ZNF665: variants seen among roughly 807,000 people sequenced by gnomAD.
ZNF665 encodes zinc finger protein 665.
In ZNF665, 6 loss-of-function variants were observed where a neutral mutation model predicts 7.9. The observed-to-expected ratio is 0.76, with a 90% CI of 0.42 to 1.50. The LOEUF (loss-of-function observed/expected upper bound fraction) is 1.50. Among genes scored for constraint, ZNF665 ranks in the 40% most tolerant of loss-of-function variants. The pLI, the probability that ZNF665 is intolerant of heterozygous loss-of-function variation, is 0.01. For synonymous variants in ZNF665, 242 were observed against 274.5 expected, an observed-to-expected ratio of 0.88 and a Z score of 1.17; for missense variants, 819 against 806.7, an observed-to-expected ratio of 1.02 and a Z score of -0.18.
intron 3 of ZNF665, among the ~76,000 whole-genome samples, chr19:53,174,866 G>A (rs1275943412): frequency 6.6e-6 from 1 of 151,112 alleles, no homozygotes; most frequent in African/African-American, 2.4e-5. Flanking sequence ...TTGAACTCAG[G>A]AGGCGGTAGT....
Position 53,164,280 on chromosome 19 carries a change from G to A in ZNF665, c.*173C>T, listed in dbSNP as rs1040776442. The A allele has an allele frequency of 2.8e-5, 15 of 528,352 alleles. No homozygotes were observed. The highest frequency in any genetic ancestry group is 4.6e-5 in the Non-Finnish European group (14 of 305,546). 32.7% of individuals were successfully genotyped at this position (528,352 alleles called of 1,614,324 possible). On this transcript the variant is annotated 3_prime_UTR_variant, in exon 4 of 4. Transcript: ENST00000396424. ...AGCCTCCCGAGTAGCTGGGATTACA[G>A]GCGTGCACCACCACACCCAGCTAAT... is the stretch of plus-strand genomic sequence containing the variant.
At chr19:53,183,165 A>T (rs761965509) in intron 1 of ZNF665, among the ~76,000 whole-genome samples, 1 of 152,158 alleles carries the variant, frequency 6.6e-6, no homozygotes, top group Non-Finnish European at 1.5e-5. Flanking sequence ...CTCTTTCTTT[A>T]GAACCCACTC....
intron 2 of ZNF665, chr19:53,182,475 C>A: frequency 1.9e-6 from 1 of 515,420 alleles, no homozygotes; most frequent in African/African-American, 1.9e-5. Context: ...TCCCCACAGT[C>A]GTCTCATTTT....
chr19:53,165,171 C>T lies in ZNF665; in HGVS notation c.1319G>A (p.Ser440Asn). Residue 440 changes from serine (S) to asparagine (N), a missense_variant, in exon 4 of 4, where the codon AGT (serine) becomes AAT (asparagine). By Grantham distance (46) the Ser-to-Asn change is conservative (BLOSUM62 1). Coordinates refer to ENST00000396424, the MANE Select transcript of ZNF665 (RefSeq NM_024733.5). ...YRCDECGKAF[S>N]VRSSLTTHQA... The stretch of plus-strand genomic sequence containing the variant: ...ATGGGTAGTTAGGCTTGATCGCACA[C>T]TAAAGGCTTTGCCACACTCATCACA... 1 of 1,614,180 alleles carries T rather than the reference C, an allele frequency of 6.2e-7. No individual in the cohort carries two copies. The highest frequency in any genetic ancestry group is 2.2e-5 in the East Asian group (1 of 44,872).
intron 1 of ZNF665, among the ~76,000 whole-genome samples, chr19:53,192,542 T>C (rs989496219): frequency 4.6e-5 from 7 of 152,198 alleles, no homozygotes; most frequent in African/African-American, 1.4e-4. Context: ...ACCCTTACTG[T>C]CTCTTTGTAA....
intron 3 of ZNF665, among the ~76,000 whole-genome samples, chr19:53,174,158 A>G (rs541307429): frequency 6.6e-6 from 1 of 152,290 alleles, no homozygotes; most frequent in African/African-American, 2.4e-5. Context: ...TGGAGTCCTC[A>G]CATCTGTCTC....
In ZNF665 at chr19:53,183,003, G is replaced by A. The variant is rs1256495197; in HGVS notation, c.-45-60C>T. ...CCTGAATGTCAAAAATACGCTGTTTGTTGGTTAGAATCAACACACCCCCTC... is the reference window on the plus strand; with the variant it reads ...CCTGAATGTCAAAAATACGCTGTTTATTGGTTAGAATCAACACACCCCCTC... On this transcript the variant is annotated intron_variant, in intron 1 of 3. Transcript: ENST00000396424. 2.6e-6 allele frequency: 4 copies of A among 1,537,614 alleles called. No homozygotes were observed. The African/African-American group carries it at 4.1e-5, about 16-fold the overall frequency.
At chr19:53,177,669 T>C (rs1367978033) in intron 2 of ZNF665, among the ~76,000 whole-genome samples, 1 of 151,628 alleles carries the variant, frequency 6.6e-6, no homozygotes, top group Non-Finnish European at 1.5e-5. Flanking sequence ...AGAGAATGAG[T>C]GGTGTCTTCA....
intron 3 of ZNF665, among the ~76,000 whole-genome samples, chr19:53,174,899 C>G (rs1246251842): frequency 6.9e-6 from 1 of 145,716 alleles, no homozygotes; most frequent in Non-Finnish European, 1.5e-5. Context: ...GATCCGAGAT[C>G]GTGCCATTGC....
At chr19:53,173,708 G>T (rs1478923778) in intron 3 of ZNF665, among the ~76,000 whole-genome samples, 1 of 152,002 alleles carries the variant, frequency 6.6e-6, no homozygotes, top group African/African-American at 2.4e-5. Context: ...ACTGGTTGAT[G>T]TGTCTATTTT....
At chr19:53,172,763 T>C (rs1599875747) in intron 3 of ZNF665, among the ~76,000 whole-genome samples, 1 of 143,596 alleles carries the variant, frequency 7.0e-6, no homozygotes, top group South Asian at 2.1e-4. Context: ...AGGCGGAGAT[T>C]GCAGTGAGCC....
chr19:53,165,438 C>T lies in ZNF665; in HGVS notation c.1052G>A (p.Cys351Tyr). Residue 351 changes from cysteine (C) to tyrosine (Y), a missense_variant, in exon 4 of 4, where the codon TGT (cysteine) becomes TAT (tyrosine). By Grantham distance (194) the Cys-to-Tyr change is radical. Coordinates refer to ENST00000396424, the MANE Select transcript of ZNF665 (RefSeq NM_024733.5). ...TGEKPYKCNE[C>Y]GKVFRHNSYL... ...TGAATTGTGCCTGAAGACCTTGCCA[C>T]ATTCATTACATTTGTAAGGTTTTTC... 5 of 1,613,286 alleles carry T rather than the reference C, an allele frequency of 3.1e-6. No individual in the cohort carries two copies. The highest frequency in any genetic ancestry group is 4.2e-6 in the Non-Finnish European group (5 of 1,179,442).
chr19:53,180,582 A>G (rs1308254835), intron 2 of ZNF665: 2 of 152,236 alleles, frequency 1.3e-5, no homozygotes, highest in Non-Finnish European at 2.9e-5. Flanking sequence ...TCATGTGTGC[A>G]CATCACATAT....
chr19:53,179,882 G>T (rs2090725901), intron 2 of ZNF665: 1 of 152,210 alleles, frequency 6.6e-6, no homozygotes, highest in African/African-American at 2.4e-5. Context: ...CTTGCTGTTT[G>T]TTGGTGGGGA....
At chr19:53,176,496 T>C (rs982531103) in intron 2 of ZNF665, among the ~76,000 whole-genome samples, 11 of 152,134 alleles carry the variant, frequency 7.2e-5, no homozygotes, top group Non-Finnish European at 2.9e-5. Context: ...TGAATCAATA[T>C]GAATCAAGTC....
intron 3 of ZNF665, among the ~76,000 whole-genome samples, chr19:53,172,141 A>G (rs1427447005): frequency 1.3e-5 from 2 of 152,116 alleles, no homozygotes; most frequent in African/African-American, 4.8e-5. Context: ...TTTTTATAAT[A>G]TTTTTAGGTT....
At chr19:53,170,681 G>A (rs1300951620) in intron 3 of ZNF665, among the ~76,000 whole-genome samples, 1 of 152,124 alleles carries the variant, frequency 6.6e-6, no homozygotes, top group South Asian at 2.1e-4. Flanking sequence ...TAATGAACAC[G>A]TAGTTTGATT....
At chr19:53,176,493 A>G (rs558935339) in intron 2 of ZNF665, among the ~76,000 whole-genome samples, 2 of 152,302 alleles carry the variant, frequency 1.3e-5, no homozygotes, top group South Asian at 4.1e-4. Context: ...AAATGAATCA[A>G]TATGAATCAA....
chr19:53,181,762 A>C (rs2090739357), intron 2 of ZNF665: 1 of 152,246 alleles, frequency 6.6e-6, no homozygotes, highest in Non-Finnish European at 1.5e-5. Context: ...TGATGATGTC[A>C]ATAAAATAGA....
Sources: allele counts gnomAD v4.1 joint callset (sites outside exome capture counted in the v4.1 genomes callset), GRCh38; gene constraint gnomAD v4.1.1; transcripts MANE v1.5; gene names NCBI Gene and HGNC (gene_info 2026-07-23, HGNC 2026-07-21).